Variants in DPYSL5 observed in about 807,000 individuals in gnomAD.
DPYSL5 encodes dihydropyrimidinase-related protein 5.
In DPYSL5, 9 loss-of-function variants were observed where a neutral mutation model predicts 58.4. The ratio of observed to expected loss-of-function variants is 0.15; its 90% CI spans 0.09 to 0.27. DPYSL5 has a LOEUF of 0.27. Among genes scored for constraint, DPYSL5 ranks in the 10% least tolerant of loss-of-function variants. The pLI is 1.00. For missense variants in DPYSL5, 499 were observed against 770.6 expected (o/e 0.65, Z 4.17); for synonymous variants, 293 against 301.9 (o/e 0.97, Z 0.31).
chr2:26,928,305 G>C lies in DPYSL5; in HGVS notation c.651G>C (p.Glu217Asp). ...DLGITGPEGI[E>D]ISRPEELEAE... ...GGATCACAGGCCCAGAAGGAATCGA[G>C]ATCAGCCGTCCAGAGGAGGTGAGAA... The change falls in exon 5 of 13, where the codon GAG becomes GAC. Residue 217 changes from glutamate to aspartate, a missense_variant. Glu to Asp is a conservative substitution (Grantham distance 45, BLOSUM62 2). Transcript: ENST00000288699. The C allele has an allele frequency of 6.2e-7, 1 of 1,613,984 alleles. No homozygotes were observed.
intron 1 of DPYSL5, among the ~76,000 whole-genome samples, chr2:26,859,384 G>A (rs1665957556): frequency 1.3e-5 from 2 of 151,838 alleles, no homozygotes; most frequent in African/African-American, 4.8e-5. Context: ...TTTGGCATAG[G>A]GGGTACAATT....
At chr2:26,939,950 G>A (rs147878287) in intron 8 of DPYSL5, 81 bp from the exon 9 acceptor site, 2 of 1,577,160 alleles carry the variant, frequency 1.3e-6, no homozygotes, top group Non-Finnish European at 1.7e-6. Flanking sequence ...CCCACACGGA[G>A]GATTTTCCCT....
At chr2:26,872,203 T>G (rs1395426705) in intron 1 of DPYSL5, among the ~76,000 whole-genome samples, 1 of 152,166 alleles carries the variant, frequency 6.6e-6, no homozygotes, top group Non-Finnish European at 1.5e-5. Flanking sequence ...TGAGTCTGGC[T>G]CAGATGATGG....
At chr2:26,939,309 T>C (rs1009853878) in intron 8 of DPYSL5, 2 of 152,148 alleles carry the variant, frequency 1.3e-5, no homozygotes, top group African/African-American at 4.8e-5. Context: ...AGATAATTTT[T>C]TTCTATTTTT....
chr2:26,864,974 C>T (rs1347594505), intron 1 of DPYSL5, among the ~76,000 whole-genome samples: 2 of 152,192 alleles, frequency 1.3e-5, no homozygotes, highest in East Asian at 1.9e-4. Flanking sequence ...CATCTACATC[C>T]GTTCACAGAC....
intron 2 of DPYSL5, among the ~76,000 whole-genome samples, chr2:26,908,023 T>C (rs7557229): frequency 0.38 from 57,047 of 152,070 alleles, 11,177 homozygotes; most frequent in Admixed American, 0.54. Flanking sequence ...TGCTATGTCA[T>C]GTGGGCAAGT....
At chr2:26,855,254 C>T (rs954584543) in intron 1 of DPYSL5, among the ~76,000 whole-genome samples, 1 of 151,602 alleles carries the variant, frequency 6.6e-6, no homozygotes, top group Non-Finnish European at 1.5e-5. Context: ...ATGGTGAAAC[C>T]CCGTCTCTAC....
At chr2:26,859,217 A>G (rs1665952741) in intron 1 of DPYSL5, among the ~76,000 whole-genome samples, 1 of 152,192 alleles carries the variant, frequency 6.6e-6, no homozygotes, top group African/African-American at 2.4e-5. Flanking sequence ...CTTATTGATG[A>G]ACATTAAGGT....
chr2:26,897,902 T>C (rs1664058048), intron 1 of DPYSL5, among the ~76,000 whole-genome samples: 2 of 152,276 alleles, frequency 1.3e-5, no homozygotes, highest in South Asian at 4.1e-4. Context: ...TAAGTGTTGG[T>C]TGTGGACTTC....
At chr2:26,888,243 T>TTCTTTCTTTCTG (rs1663775525) in intron 1 of DPYSL5, among the ~76,000 whole-genome samples, 1 of 145,334 alleles carries the variant, frequency 6.9e-6, no homozygotes, top group East Asian at 2.0e-4. Context: ...CTTTCTTTCT[T>TTCTTTCTTTCTG]TCTTTCTTTC....
intron 1 of DPYSL5, among the ~76,000 whole-genome samples, chr2:26,865,657 C>G (rs1424187893): frequency 6.6e-6 from 1 of 151,958 alleles, no homozygotes; most frequent in African/African-American, 2.4e-5. Flanking sequence ...TCATCAGAGC[C>G]CACTTTATTG....
chr2:26,941,398 C>T lies in DPYSL5; in HGVS notation c.1090-552C>T, dbSNP rs576937378. 3.9e-5 allele frequency among the ~76,000 whole-genome samples: 6 copies of T among 152,262 alleles called. No individual in the cohort carries two copies. The East Asian group carries it at 9.6e-4, about 24-fold the overall frequency. On this transcript the variant is annotated intron_variant, in intron 9 of 12. Transcript: ENST00000288699. ...GACTTCATTTGAATACCACCTGTTC[C>T]GCACATGAAGAATAAGTATTTTTGG...
chr2:26,926,196 T>G (rs1335707766), intron 3 of DPYSL5, among the ~76,000 whole-genome samples: 2 of 152,200 alleles, frequency 1.3e-5, no homozygotes, highest in African/African-American at 4.8e-5. Flanking sequence ...CTCACCCGGT[T>G]TCTTCATTAT....
chr2:26,900,976 A>G (rs1468750955), intron 2 of DPYSL5, among the ~76,000 whole-genome samples: 2 of 152,182 alleles, frequency 1.3e-5, no homozygotes, highest in African/African-American at 2.4e-5. Context: ...CCTGAGAACC[A>G]TCAGCTCTTT....
intron 1 of DPYSL5, among the ~76,000 whole-genome samples, chr2:26,866,265 A>G (rs1666136054): frequency 6.6e-6 from 1 of 152,224 alleles, no homozygotes; most frequent in Non-Finnish European, 1.5e-5. Flanking sequence ...TAAAACATCT[A>G]GTCCTGTGCA....
chr2:26,875,297 T>C (rs996926141), intron 1 of DPYSL5, among the ~76,000 whole-genome samples: 1 of 152,110 alleles, frequency 6.6e-6, no homozygotes, highest in African/African-American at 2.4e-5. Context: ...ACAGCAGCCA[T>C]TGGGTAACCC....
chr2:26,939,052 C>G (rs1483918106), intron 8 of DPYSL5: 1 of 152,358 alleles, frequency 6.6e-6, no homozygotes. Flanking sequence ...CCCTCTCTCC[C>G]TGTTCTTCCC....
Position 26,942,728 on chromosome 2 carries a change from A to G in DPYSL5, c.1418A>G (p.Lys473Arg), listed in dbSNP as rs1454419758. Reference sequence around the variant, plus strand: ...AGGTCCTTCCCAGACACTGTCTACAAGAAGCTGGTCCAGAGAGAGAAGGTG... The same window carrying G: ...AGGTCCTTCCCAGACACTGTCTACAGGAAGCTGGTCCAGAGAGAGAAGGTG... ...PLRSFPDTVY[K>R]KLVQREKTLK... The change falls in exon 11 of 13, where the codon AAG becomes AGG. Residue 473 changes from lysine to arginine, a missense_variant. Lys to Arg is a conservative substitution (Grantham distance 26). This residue lies in a region of DPYSL5 where 404 missense variants were observed against 647.6 expected (regional missense o/e 0.62). Transcript: ENST00000288699. The surrounding 1 kb of genome is among the most constrained non-coding windows in gnomAD (Gnocchi z 5.9). The G allele has an allele frequency of 6.2e-7, 1 of 1,614,088 alleles. No homozygotes were observed. Among genetic ancestry groups the G allele is most frequent in the East Asian group, 2.2e-5 (1 of 44,884 alleles).
chr2:26,939,716 C>A, intron 8 of DPYSL5: 1 of 290,420 alleles, frequency 3.4e-6, no homozygotes, highest in Non-Finnish European at 6.6e-6. Flanking sequence ...GAACTACCTC[C>A]ACCATCTCAC....
Sources: allele counts gnomAD v4.1 joint callset (sites outside exome capture counted in the v4.1 genomes callset), GRCh38; gene constraint gnomAD v4.1.1; regional missense constraint gnomAD v4.1.1; non-coding constraint Gnocchi (gnomAD v3.1); transcripts MANE v1.5; gene names NCBI Gene and HGNC (gene_info 2026-07-23, HGNC 2026-07-21).